The following MYRFL variants were observed in gnomAD, a reference collection of about 807,000 sequenced individuals.
MYRFL encodes the protein myelin regulatory factor-like protein.
In MYRFL, 88 loss-of-function variants were observed where a neutral mutation model predicts 109.4. That is an observed-to-expected ratio of 0.80 (90% CI 0.68 to 0.96). The LOEUF (loss-of-function observed/expected upper bound fraction) is 0.96, where lower values mean the gene tolerates loss of function less well. Among genes scored for constraint, MYRFL ranks in the 40% least tolerant of loss-of-function variants. MYRFL has a pLI of 0.00. For missense variants in MYRFL, 957 were observed against 954.9 expected (o/e 1.00, Z -0.03); for synonymous variants, 324 against 320.9 (o/e 1.01, Z -0.10).
chr12:69,898,514 C>T (rs953616541), intron 10 of MYRFL, among the ~76,000 whole-genome samples: 1 of 152,198 alleles, frequency 6.6e-6, no homozygotes, highest in African/African-American at 2.4e-5. Context: ...CTGTCCATCC[C>T]TCTGCAGGGG....
chr12:69,826,182 A>G (rs952722783), intron 1 of MYRFL, among the ~76,000 whole-genome samples: 7 of 152,116 alleles, frequency 4.6e-5, no homozygotes, highest in African/African-American at 1.2e-4. Context: ...CTATGTCACT[A>G]TTGGGAGGAA....
intron 10 of MYRFL, among the ~76,000 whole-genome samples, chr12:69,900,937 G>A (rs1024375776): frequency 1.3e-5 from 2 of 152,222 alleles, no homozygotes; most frequent in African/African-American, 4.8e-5. Context: ...CCAGGAGAGT[G>A]TGTCGAGAAT....
At chr12:69,927,583 C>T (rs768309220) in intron 14 of MYRFL, 102 bp from the exon 15 acceptor site, 1 of 848,156 alleles carries the variant, frequency 1.2e-6, no homozygotes, top group Non-Finnish European at 1.8e-6. Context: ...CACTGTATTG[C>T]AAAAGAAAGT....
At position 69,940,333 on chromosome 12, in the gene MYRFL, A is replaced by G. The variant is rs1479181690; in HGVS notation, c.2224+3701A>G. Among the ~76,000 whole-genome samples the G allele has an allele frequency of 2.0e-5, 3 of 151,336 alleles. No individual in the cohort carries two copies. The East Asian group carries it at 5.9e-4, about 30-fold the overall frequency. On this transcript the variant is annotated intron_variant, in intron 19 of 24. Coordinates refer to ENST00000552032, the MANE Select transcript of MYRFL (RefSeq NM_182530.3). ...TCGGGTTACCCTCAAAGGGAAGCCC[A>G]TCAGACTAACAGCGGATCTCTCGGC...
chr12:69,890,348 A>C (rs1240267), intron 6 of MYRFL, among the ~76,000 whole-genome samples: 113,034 of 152,076 alleles, frequency 0.74, 42,090 homozygotes, highest in East Asian at 0.8. Flanking sequence ...TAGCCTACAT[A>C]TTTCTATTGT....
In MYRFL at chr12:69,844,129, T is replaced by A. The variant is rs145269831; in HGVS notation, c.47-11151T>A. On this transcript the variant is annotated intron_variant, in intron 1 of 24. Transcript: ENST00000552032. ...TTTTATCTGACACTGTGGATTTATCTTTTTGAGTAATTTCCTTTGGATTTG... is the reference window on the plus strand; with the variant it reads ...TTTTATCTGACACTGTGGATTTATCATTTTGAGTAATTTCCTTTGGATTTG... Among the ~76,000 whole-genome samples the A allele has an allele frequency of 4.1e-3, 618 of 152,372 alleles. 5 individuals carry two copies. The highest frequency in any genetic ancestry group is 0.014 in the African/African-American group (599 of 41,586).
At chr12:69,847,973 CAT>C (rs1291784779) in intron 1 of MYRFL, among the ~76,000 whole-genome samples, 1 of 152,064 alleles carries the variant, frequency 6.6e-6, no homozygotes, top group African/African-American at 2.4e-5. Flanking sequence ...AGACATCAGA[CAT>C]ATGTGCCTGT....
intron 19 of MYRFL, among the ~76,000 whole-genome samples, chr12:69,938,922 AGGGGTGACGGAT>A (rs1008568319): frequency 3.3e-5 from 5 of 152,162 alleles, no homozygotes; most frequent in Non-Finnish European, 7.3e-5. Flanking sequence ...AATCAAAGAA[AGGGGTGACGGAT>A]GGCACCTGGA....
chr12:69,830,006 AC>A (rs1032747525), intron 1 of MYRFL, among the ~76,000 whole-genome samples: 18 of 152,204 alleles, frequency 1.2e-4, no homozygotes, highest in African/African-American at 3.6e-4. Flanking sequence ...CTCTTAGACA[AC>A]CAGTTTCCTA....
chr12:69,937,100 A>T (rs941307993), intron 19 of MYRFL, among the ~76,000 whole-genome samples: 2 of 152,154 alleles, frequency 1.3e-5, no homozygotes, highest in African/African-American at 4.8e-5. Flanking sequence ...CACTTTCAGA[A>T]TAACTTTCCT....
At chr12:69,958,067 T>TGA in intron 23 of MYRFL, 125 bp downstream of exon 23, 2 of 1,364,718 alleles carry the variant, frequency 1.5e-6, no homozygotes, top group Middle Eastern at 2.0e-4. Flanking sequence ...TGTGTCCTTA[T>TGA]GAAGTTGCCT....
In MYRFL at chr12:69,914,934, C is replaced by T. The variant is rs531269271; in HGVS notation, c.1602+4004C>T. ...CACTCACTTACAGAATCTGTAACAC[C>T]ACAAGCAAGTGAACATCTCCCCACT... On this transcript the variant is annotated intron_variant, in intron 13 of 24. Transcript: ENST00000552032. Among the ~76,000 whole-genome samples the T allele has an allele frequency of 2.6e-4, 39 of 152,260 alleles. 1 individual carries two copies. Among genetic ancestry groups the T allele is most frequent in the Middle Eastern group, 3.4e-3 (1 of 294 alleles).
At chr12:69,945,531 T>G (rs1295264512) in intron 19 of MYRFL, among the ~76,000 whole-genome samples, 1 of 152,226 alleles carries the variant, frequency 6.6e-6, no homozygotes, top group Non-Finnish European at 1.5e-5. Flanking sequence ...AATCTAGGTT[T>G]GTGAAGTACA....
chr12:69,878,899 C>T (rs986641151), intron 2 of MYRFL, 129 bp from the exon 3 acceptor site: 1 of 661,554 alleles, frequency 1.5e-6, no homozygotes. Flanking sequence ...CCAAACCCCT[C>T]ACCCCCCCAT....
chr12:69,952,303 G>A (rs1291550639), intron 20 of MYRFL, 128 bp downstream of exon 20: 1 of 785,004 alleles, frequency 1.3e-6, no homozygotes, highest in Non-Finnish European at 2.1e-6. Context: ...GCATATCCAT[G>A]GGACTGTGTG....
intron 1 of MYRFL, among the ~76,000 whole-genome samples, chr12:69,837,073 C>G (rs61930196): frequency 6.6e-6 from 1 of 152,126 alleles, no homozygotes; most frequent in African/African-American, 2.4e-5. Flanking sequence ...AACAAATTGA[C>G]AGATATGCCT....
intron 2 of MYRFL, among the ~76,000 whole-genome samples, chr12:69,859,197 A>G (rs964227605): frequency 6.6e-6 from 1 of 152,110 alleles, no homozygotes; most frequent in Non-Finnish European, 1.5e-5. Context: ...GTTTAATTCC[A>G]TTATGAACAG....
At chr12:69,840,562 C>T (rs1883188907) in intron 1 of MYRFL, among the ~76,000 whole-genome samples, 2 of 152,246 alleles carry the variant, frequency 1.3e-5, no homozygotes, top group African/African-American at 4.8e-5. Context: ...CTTAGTGCTG[C>T]TCACTGTTGT....
intron 16 of MYRFL, among the ~76,000 whole-genome samples, chr12:69,935,492 T>TGTAA (rs1384382574): frequency 2.6e-5 from 4 of 152,232 alleles, no homozygotes; most frequent in Non-Finnish European, 5.9e-5. Context: ...CATTTGTTTA[T>TGTAA]GTAAGTTCCA....
Sources: gnomAD v4.1 joint callset for allele counts (sites outside exome capture counted in the v4.1 genomes callset) on GRCh38, gnomAD v4.1.1 for gene constraint, MANE v1.5 for transcripts, NCBI Gene and HGNC (gene_info 2026-07-23, HGNC 2026-07-21) for gene names.